HGF: variants seen among roughly 807,000 people sequenced by gnomAD.
HGF encodes fibroblast-derived tumor cytotoxic factor.
A neutral mutation model predicts 111.6 loss-of-function variants in HGF; 39 were observed. The observed-to-expected ratio is 0.35, with a 90% CI of 0.27 to 0.46. The LOEUF (loss-of-function observed/expected upper bound fraction) is 0.46. HGF is among the 20% of genes least tolerant of loss of function. The pLI is 1.00. For missense variants in HGF, 735 were observed against 910.5 expected (o/e 0.81, Z 2.48); for synonymous variants, 285 against 294.8 (o/e 0.97, Z 0.34).
intron 5 of HGF, among the ~76,000 whole-genome samples, chr7:81,746,440 T>C (rs186477196): frequency 6.6e-6 from 1 of 152,298 alleles, no homozygotes; most frequent in East Asian, 1.9e-4. Context: ...CATTTCAGCT[T>C]TCCATTTGAA....
intron 1 of HGF, among the ~76,000 whole-genome samples, chr7:81,768,994 GCCATGTCT>G (rs1447586102): frequency 6.6e-6 from 1 of 151,924 alleles, no homozygotes; most frequent in Non-Finnish European, 1.5e-5. Context: ...TTGTAAAAAG[GCCATGTCT>G]CCATCTGGGC....
chr7:81,766,789 G>A (rs145218481), intron 1 of HGF, among the ~76,000 whole-genome samples: 3 of 152,164 alleles, frequency 2.0e-5, no homozygotes, highest in African/African-American at 7.2e-5. Context: ...CTTCCACACA[G>A]GAACTGAAGC....
At chr7:81,719,539 T>C (rs1789799920) in intron 10 of HGF, among the ~76,000 whole-genome samples, 1 of 152,198 alleles carries the variant, frequency 6.6e-6, no homozygotes, top group Non-Finnish European at 1.5e-5. Flanking sequence ...GAGAATATAA[T>C]GTAAAAGATA....
intron 1 of HGF, among the ~76,000 whole-genome samples, chr7:81,765,321 T>C (rs1459086841): frequency 2.0e-5 from 3 of 152,130 alleles, no homozygotes; most frequent in Non-Finnish European, 4.4e-5. Context: ...TCCTCAATTG[T>C]CCTACTGAAA....
chr7:81,730,368 C>T (rs540679506), intron 7 of HGF, among the ~76,000 whole-genome samples: 28 of 152,206 alleles, frequency 1.8e-4, no homozygotes, highest in Non-Finnish European at 3.5e-4. Context: ...GCCAGGAAAA[C>T]GGCTTGAACT....
intron 9 of HGF, among the ~76,000 whole-genome samples, chr7:81,722,612 A>C (rs1345236345): frequency 1.3e-5 from 2 of 150,804 alleles, no homozygotes; most frequent in African/African-American, 4.9e-5. Flanking sequence ...CAGGAGTTCA[A>C]GACCAGCCTG....
chr7:81,745,979 C>G (rs761215067), intron 5 of HGF, among the ~76,000 whole-genome samples: 1 of 152,192 alleles, frequency 6.6e-6, no homozygotes, highest in Non-Finnish European at 1.5e-5. Context: ...TAAATCATTG[C>G]TTGGCTTTCC....
At chr7:81,746,276 C>T (rs1788250306) in intron 5 of HGF, among the ~76,000 whole-genome samples, 1 of 152,110 alleles carries the variant, frequency 6.6e-6, no homozygotes, top group Non-Finnish European at 1.5e-5. Context: ...AGCTAAGAGG[C>T]CAACTCGGCT....
At chr7:81,760,686 T>C (rs762622398) in intron 2 of HGF, among the ~76,000 whole-genome samples, 3,324 of 66,772 alleles carry the variant, frequency 0.05, 47 homozygotes, top group Non-Finnish European at 0.071. Flanking sequence ...CGTGCGTGTG[T>C]GTGTGTGTGT....
intron 8 of HGF, among the ~76,000 whole-genome samples, chr7:81,728,572 G>A (rs553974810): frequency 6.6e-6 from 1 of 152,140 alleles, no homozygotes; most frequent in South Asian, 2.1e-4. Flanking sequence ...GAATTGCTGT[G>A]ATGGAAATGA....
At chr7:81,746,610 T>C (rs1788265763) in intron 5 of HGF, among the ~76,000 whole-genome samples, 1 of 152,166 alleles carries the variant, frequency 6.6e-6, no homozygotes, top group African/African-American at 2.4e-5. Flanking sequence ...TAAGTATTCA[T>C]ATGTACAATT....
chr7:81,721,142 G>A (rs1789848610), intron 9 of HGF, among the ~76,000 whole-genome samples: 1 of 152,168 alleles, frequency 6.6e-6, no homozygotes, highest in Non-Finnish European at 1.5e-5. Context: ...AGCTACTCGA[G>A]AGGCTGAAGC....
intron 7 of HGF, among the ~76,000 whole-genome samples, chr7:81,734,698 C>T (rs942421265): frequency 3.3e-5 from 5 of 152,032 alleles, no homozygotes; most frequent in Non-Finnish European, 4.4e-5. Flanking sequence ...GGCCACAGGG[C>T]CCTGATAGAG....
At chr7:81,762,915 A>G in intron 1 of HGF, 43 bp from the exon 2 acceptor site, 1 of 1,185,428 alleles carries the variant, frequency 8.4e-7, no homozygotes, top group Non-Finnish European at 1.2e-6. Context: ...CATTGGAGAA[A>G]TGTTTTTAAG....
At position 81,706,287 on chromosome 7, in the gene HGF, C is replaced by G; in HGVS notation, c.1757G>C (p.Arg586Thr). Residue 586 changes from arginine to threonine, a missense_variant and splice_region_variant, in exon 15 of 18, where the codon AGG becomes ACG. Transcript: ENST00000222390. ...GSDLVLMKLA[R>T]PAVLDDFVST... The stretch of plus-strand genomic sequence containing the variant: ...TACAAAATCTTCTAAAGTAACTAAC[C>G]TGGCAAGCTTCATTAAAACCAGATC... 1 of 1,612,388 alleles carries G rather than the reference C, an allele frequency of 6.2e-7. No individual in the cohort carries two copies. The highest frequency in any genetic ancestry group is 8.5e-7 in the Non-Finnish European group (1 of 1,178,918).
At chr7:81,769,502 G>A (rs755261214) in intron 1 of HGF, among the ~76,000 whole-genome samples, 46 of 152,206 alleles carry the variant, frequency 3.0e-4, no homozygotes, top group Non-Finnish European at 3.2e-4. Context: ...ATGACTTCCT[G>A]CCGGACTGAC....
intron 6 of HGF, 64 bp downstream of exon 6, chr7:81,744,936 G>A (rs944307547): frequency 1.2e-4 from 187 of 1,523,704 alleles, no homozygotes; most frequent in Non-Finnish European, 1.6e-4. Flanking sequence ...CCACAGCAGT[G>A]TGTCATAGAG....
At chr7:81,735,166 G>A (rs1020219548) in intron 7 of HGF, among the ~76,000 whole-genome samples, 4 of 152,028 alleles carry the variant, frequency 2.6e-5, no homozygotes, top group Non-Finnish European at 5.9e-5. Flanking sequence ...ATTGACATGG[G>A]AAAGTAGTAA....
At chr7:81,723,942 G>A (rs890248238) in intron 9 of HGF, among the ~76,000 whole-genome samples, 2 of 151,752 alleles carry the variant, frequency 1.3e-5, no homozygotes, top group Admixed American at 6.6e-5. Flanking sequence ...ATTTAGGCAA[G>A]TTACTTAAAT....
Sources: gnomAD v4.1 joint callset for allele counts (sites outside exome capture counted in the v4.1 genomes callset) on GRCh38, gnomAD v4.1.1 for gene constraint, MANE v1.5 for transcripts, NCBI Gene and HGNC (gene_info 2026-07-23, HGNC 2026-07-21) for gene names.